The following GCNT2 variants were observed in gnomAD, a reference collection of about 807,000 sequenced individuals.
The protein encoded by GCNT2 is glucosaminyl (N-acetyl) transferase 2 (I blood group).
In GCNT2, 34 loss-of-function variants were observed where a neutral mutation model predicts 34.2. The ratio of observed to expected loss-of-function variants is 1.00; its 90% CI spans 0.76 to 1.32. GCNT2 has a LOEUF of 1.32. Ranked by LOEUF, GCNT2 falls within the 40% of genes most tolerant of loss-of-function variation. The pLI, the probability that GCNT2 is intolerant of heterozygous loss-of-function variation, is 0.00. For synonymous variants in GCNT2, 212 were observed against 188.0 expected, an observed-to-expected ratio of 1.13 and a Z score of -1.04; for missense variants, 584 against 489.4, an observed-to-expected ratio of 1.19 and a Z score of -1.82.
intron 3 of GCNT2, among the ~76,000 whole-genome samples, chr6:10,609,657 G>A (rs760367733): frequency 6.6e-6 from 1 of 152,202 alleles, no homozygotes; most frequent in Non-Finnish European, 1.5e-5. Flanking sequence ...GTCTGGCCAG[G>A]GTTATAATTC....
chr6:10,549,203 T>C (rs1762385262), intron 3 of GCNT2, among the ~76,000 whole-genome samples: 1 of 152,106 alleles, frequency 6.6e-6, no homozygotes, highest in South Asian at 2.1e-4. Flanking sequence ...AACACGGCAT[T>C]TTTCAGCCCA....
intron 3 of GCNT2, among the ~76,000 whole-genome samples, chr6:10,605,107 T>C (rs1162224497): frequency 1.3e-5 from 2 of 151,574 alleles, no homozygotes; most frequent in African/African-American, 2.4e-5. Context: ...GATTGCGCCA[T>C]GTGCTCCAGC....
chr6:10,548,101 T>C (rs2113622451), intron 3 of GCNT2, among the ~76,000 whole-genome samples: 1 of 152,292 alleles, frequency 6.6e-6, no homozygotes, highest in African/African-American at 2.4e-5. Flanking sequence ...GAGAATGGTA[T>C]TTAAAGATCA....
intron 3 of GCNT2, among the ~76,000 whole-genome samples, chr6:10,543,177 G>A (rs1319092227): frequency 6.6e-6 from 1 of 151,764 alleles, no homozygotes; most frequent in Non-Finnish European, 1.5e-5. Flanking sequence ...CAAAGTGCTA[G>A]GATTACAGGA....
intron 3 of GCNT2, among the ~76,000 whole-genome samples, chr6:10,596,786 C>T (rs1196673562): frequency 1.3e-5 from 2 of 151,626 alleles, no homozygotes; most frequent in South Asian, 4.2e-4. Context: ...AGAATTGACA[C>T]GATGATATTT....
chr6:10,586,943 AG>A, intron 3 of GCNT2: 1 of 1,498,270 alleles, frequency 6.7e-7, no homozygotes, highest in Non-Finnish European at 9.3e-7. Context: ...TCTGATTGAT[AG>A]ATTGAGTTTG....
At chr6:10,587,300 C>G (rs1764400481) in intron 3 of GCNT2, among the ~76,000 whole-genome samples, 1 of 152,180 alleles carries the variant, frequency 6.6e-6, no homozygotes, top group African/African-American at 2.4e-5. Flanking sequence ...TTAGACATCG[C>G]TTTCATTGAT....
At chr6:10,564,538 C>T (rs1337801022) in intron 3 of GCNT2, among the ~76,000 whole-genome samples, 1 of 152,178 alleles carries the variant, frequency 6.6e-6, no homozygotes, top group Non-Finnish European at 1.5e-5. Context: ...CATGTATCCC[C>T]CGACATCTGT....
intron 3 of GCNT2, among the ~76,000 whole-genome samples, chr6:10,590,120 G>A (rs749509557): frequency 1.3e-5 from 2 of 152,144 alleles, no homozygotes; most frequent in African/African-American, 2.4e-5. Context: ...AGGCTTGGCC[G>A]GGCAAGGTGG....
intron 3 of GCNT2, among the ~76,000 whole-genome samples, chr6:10,604,706 C>A (rs935818310): frequency 2.0e-5 from 3 of 151,744 alleles, no homozygotes; most frequent in African/African-American, 7.3e-5. Context: ...ACGAAAAATA[C>A]AAAAATTAGC....
chr6:10,575,199 C>T (rs189663594), intron 3 of GCNT2: 38 of 377,828 alleles, frequency 1.0e-4, no homozygotes, highest in South Asian at 8.5e-4. Flanking sequence ...ACATTGGGTG[C>T]CTCTCCTCTT....
chr6:10,538,685 C>T (rs1025297966), intron 3 of GCNT2, among the ~76,000 whole-genome samples: 10 of 151,604 alleles, frequency 6.6e-5, no homozygotes, highest in African/African-American at 1.9e-4. Context: ...TCAGAAATTG[C>T]CCCAATATGT....
rs569352008 is a variant in GCNT2, at chr6:10,525,041, T to G, written c.-468-2433T>G. Among the ~76,000 whole-genome samples the G allele has an allele frequency of 1.2e-3, 177 of 152,174 alleles. 1 individual carries two copies. Among genetic ancestry groups the G allele is most frequent in the African/African-American group, 4.1e-3 (172 of 41,508 alleles). On this transcript the variant is annotated intron_variant, in intron 1 of 4. Coordinates refer to ENST00000495262, the MANE Select transcript of GCNT2 (RefSeq NM_145649.5). ...CATGGTAAAATGAATATGTGAAAAG[T>G]GCTTTGGGCATCATATGGTCCATGA...
rs1349151501 is a variant in GCNT2, at chr6:10,521,869, T to G, written c.-469+452T>G. On this transcript the variant is annotated intron_variant, in intron 1 of 4. Coordinates refer to ENST00000495262, the MANE Select transcript of GCNT2 (RefSeq NM_145649.5). ...GGCAAGGGAAAATGTTTCCAGAATTTGATAAGGTACTTGGTACTGTCTGGC... is the reference window on the plus strand; with the variant it reads ...GGCAAGGGAAAATGTTTCCAGAATTGGATAAGGTACTTGGTACTGTCTGGC... 3.9e-5 allele frequency among the ~76,000 whole-genome samples: 6 copies of G among 152,090 alleles called. No homozygotes were observed. In the East Asian group the frequency reaches 1.2e-3, roughly 29 times the overall value.
At chr6:10,541,109 C>T (rs931694203) in intron 3 of GCNT2, among the ~76,000 whole-genome samples, 5 of 152,168 alleles carry the variant, frequency 3.3e-5, no homozygotes, top group African/African-American at 1.2e-4. Context: ...CAGATCATCC[C>T]ATCACCTACG....
At chr6:10,601,950 A>C (rs1459293262) in intron 3 of GCNT2, among the ~76,000 whole-genome samples, 2 of 148,962 alleles carry the variant, frequency 1.3e-5, no homozygotes, top group African/African-American at 2.6e-5. Context: ...CAAGAAAAAA[A>C]AAAAAAAAAA....
At chr6:10,557,106 A>C (rs756088362) in intron 3 of GCNT2, 2 of 1,568,404 alleles carry the variant, frequency 1.3e-6, no homozygotes, top group Non-Finnish European at 1.7e-6. Context: ...GGACGGACTA[A>C]ATATGTCCAC....
Position 10,585,921 on chromosome 6 carries a change from C to A in GCNT2, c.926-35430C>A, listed in dbSNP as rs559995914. ...TCAAGACTGGCAAGAGAAGCAAATT[C>A]AACCTCTCACACCGATCATTTCTCA... is the stretch of plus-strand genomic sequence containing the variant. On this transcript the variant is annotated intron_variant, in intron 3 of 4. Transcript: ENST00000495262. 30 of 1,598,118 alleles carry A rather than the reference C, an allele frequency of 1.9e-5. No homozygotes were observed. In the South Asian group the frequency reaches 3.0e-4, roughly 16 times the overall value.
intron 3 of GCNT2, among the ~76,000 whole-genome samples, chr6:10,541,737 C>A (rs2113589803): frequency 6.6e-6 from 1 of 152,284 alleles, no homozygotes; most frequent in South Asian, 2.1e-4. Context: ...TCAGGGAATT[C>A]AAACAGACCT....
Sources: gnomAD v4.1 joint callset for allele counts (sites outside exome capture counted in the v4.1 genomes callset) on GRCh38, gnomAD v4.1.1 for gene constraint, MANE v1.5 for transcripts, NCBI Gene and HGNC (gene_info 2026-07-23, HGNC 2026-07-21) for gene names.